The following CDH23 variants were observed in gnomAD, a reference collection of about 807,000 sequenced individuals.
The protein encoded by CDH23 is cadherin-23.
Under a neutral mutation model 317.1 loss-of-function variants are expected in CDH23, and 189 were observed. That is an observed-to-expected ratio of 0.60 (90% confidence interval 0.53 to 0.67). CDH23 has a LOEUF of 0.67. CDH23 is among the 30% of genes least tolerant of loss of function. The pLI, the probability that CDH23 is intolerant of heterozygous loss-of-function variation, is 0.00. For synonymous variants in CDH23, 1,839 were observed against 1,876.8 expected (o/e 0.98, Z 0.52); for missense variants, 4,401 against 4,592.4 (o/e 0.96, Z 1.20).
intron 18 of CDH23, among the ~76,000 whole-genome samples, chr10:71,683,279 C>A (rs76589949): frequency 2.6e-5 from 4 of 152,280 alleles, no homozygotes; most frequent in Non-Finnish European, 5.9e-5. Context: ...ACAGCGAACG[C>A]GTGTTGATCG....
chr10:71,458,634 T>C (rs976498455), intron 3 of CDH23, among the ~76,000 whole-genome samples: 2 of 152,258 alleles, frequency 1.3e-5, no homozygotes, highest in Admixed American at 6.5e-5. Context: ...GTGTGGACTG[T>C]ATCACCAGCT....
intron 28 of CDH23, among the ~76,000 whole-genome samples, chr10:71,721,829 G>A (rs1049215696): frequency 4.6e-5 from 7 of 152,204 alleles, no homozygotes; most frequent in African/African-American, 1.7e-4. Context: ...ACAGCCCTCT[G>A]CTGTCCCTGC....
chr10:71,646,001 A>G (rs1862832417), intron 13 of CDH23, 21 bp downstream of exon 13: 1 of 1,605,672 alleles, frequency 6.2e-7, no homozygotes, highest in Non-Finnish European at 8.5e-7. Flanking sequence ...ACTCACTGGC[A>G]TTTTGGAGTG....
intron 2 of CDH23, 114 bp downstream of exon 2, chr10:71,440,012 G>A: frequency 1.2e-6 from 1 of 811,568 alleles, no homozygotes; most frequent in Non-Finnish European, 2.1e-6. Flanking sequence ...TGGAGACACT[G>A]TCTTACTGTG....
At chr10:71,721,483 C>A (rs1042839641) in intron 28 of CDH23, among the ~76,000 whole-genome samples, 1 of 152,166 alleles carries the variant, frequency 6.6e-6, no homozygotes, top group Admixed American at 6.5e-5. Flanking sequence ...TCATTGTGCC[C>A]AGTCTAGAGA....
At chr10:71,779,867 T>G (rs1385400711) in intron 41 of CDH23, among the ~76,000 whole-genome samples, 1 of 152,226 alleles carries the variant, frequency 6.6e-6, no homozygotes, top group African/African-American at 2.4e-5. Flanking sequence ...TAGTCACCCA[T>G]TCACAGCCCT....
chr10:71,688,181 AG>A (rs1314253962), intron 19 of CDH23, among the ~76,000 whole-genome samples: 1 of 152,208 alleles, frequency 6.6e-6, no homozygotes, highest in East Asian at 1.9e-4. Flanking sequence ...CTCAGGTTGC[AG>A]GGCTCAGTTT....
At chr10:71,743,059 C>T (rs1404732948) in intron 38 of CDH23, among the ~76,000 whole-genome samples, 1 of 152,188 alleles carries the variant, frequency 6.6e-6, no homozygotes, top group East Asian at 1.9e-4. Flanking sequence ...ACAGCAGAGG[C>T]GTGCAAGGCC....
At chr10:71,567,624 C>G (rs1385220664) in intron 7 of CDH23, among the ~76,000 whole-genome samples, 1 of 152,260 alleles carries the variant, frequency 6.6e-6, no homozygotes, top group African/African-American at 2.4e-5. Flanking sequence ...GTGCCCTGAC[C>G]ACCATGCCCC....
At chr10:71,778,933 T>A (rs1404553934) in intron 40 of CDH23, among the ~76,000 whole-genome samples, 2 of 152,150 alleles carry the variant, frequency 1.3e-5, no homozygotes, top group Non-Finnish European at 2.9e-5. Context: ...AATGTATTAC[T>A]CTTTTATTTT....
At chr10:71,784,781 A>G (rs959806522) in intron 42 of CDH23, 110 bp from the exon 43 acceptor site, 16 of 800,822 alleles carry the variant, frequency 2.0e-5, no homozygotes, top group Non-Finnish European at 3.5e-5. Flanking sequence ...TCCATGACCA[A>G]CTGCACCCTC....
In CDH23 at chr10:71,791,180, C is replaced by T. The variant is rs537971045; in HGVS notation, c.6098C>T (p.Ser2033Leu). 27 of 1,612,864 alleles carry T rather than the reference C, an allele frequency of 1.7e-5. No individual in the cohort carries two copies. The highest frequency in any genetic ancestry group is 5.0e-5 in the Admixed American group (3 of 59,874). ...SGVIIDREAF[S>L]PPILELLLLA... ...GTCATCATTGACCGGGAGGCATTCT[C>T]GCCACCCATCCTGGAGCTGCTGCTG... Residue 2033 changes from serine to leucine, a missense_variant, in exon 47 of 70, where the codon TCG becomes TTG. By Grantham distance (145) the Ser-to-Leu change is moderately radical. Coordinates refer to ENST00000224721, the MANE Select transcript of CDH23 (RefSeq NM_022124.6).
intron 60 of CDH23, among the ~76,000 whole-genome samples, chr10:71,808,474 G>T (rs571202829): frequency 6.6e-6 from 1 of 152,060 alleles, no homozygotes; most frequent in Non-Finnish European, 1.5e-5. Context: ...TGCGCACATC[G>T]CCTTCCCCTA....
At chr10:71,447,313 A>T (rs1452705951) in intron 3 of CDH23, among the ~76,000 whole-genome samples, 1 of 152,132 alleles carries the variant, frequency 6.6e-6, no homozygotes, top group Non-Finnish European at 1.5e-5. Context: ...ACACTCTTTC[A>T]TATGAAACCC....
chr10:71,611,133 A>T (rs554077712), intron 9 of CDH23, among the ~76,000 whole-genome samples: 83 of 151,734 alleles, frequency 5.5e-4, no homozygotes, highest in African/African-American at 1.9e-3. Flanking sequence ...ACACGGAGGT[A>T]TCAGTTTCCA....
At chr10:71,745,714 C>G (rs1564771536) in intron 38 of CDH23, among the ~76,000 whole-genome samples, 2 of 152,210 alleles carry the variant, frequency 1.3e-5, no homozygotes, top group Non-Finnish European at 2.9e-5. Flanking sequence ...AGAGCAGAGC[C>G]CTTCTCTGCC....
chr10:71,487,391 G>A lies in CDH23; in HGVS notation c.146-22691G>A, dbSNP rs113233870. Among the ~76,000 whole-genome samples, 976 of 152,194 alleles carry A rather than the reference G, an allele frequency of 6.4e-3. 12 individuals are homozygous for A. Among genetic ancestry groups the A allele is most frequent in the African/African-American group, 0.022 (925 of 41,500 alleles). On this transcript the variant is annotated intron_variant, in intron 3 of 69. Coordinates refer to ENST00000224721, the MANE Select transcript of CDH23 (RefSeq NM_022124.6). ...AACTTAGCCCAAGCCGTTCAGACCC[G>A]TGTTGTTCAAGGGTCAGCTGTACAT...
chr10:71,446,279 G>A, intron 2 of CDH23, 39 bp from the exon 3 acceptor site: 1 of 1,589,454 alleles, frequency 6.3e-7, no homozygotes. Flanking sequence ...AAAGCTGATG[G>A]GGGGTACTTG....
chr10:71,658,516 T>C (rs1053188219), intron 14 of CDH23, among the ~76,000 whole-genome samples: 2 of 152,226 alleles, frequency 1.3e-5, no homozygotes, highest in African/African-American at 4.8e-5. Flanking sequence ...CACCAGCACT[T>C]CCAGAATCTA....
Sources: gnomAD v4.1 joint callset for allele counts (sites outside exome capture counted in the v4.1 genomes callset) on GRCh38, gnomAD v4.1.1 for gene constraint, MANE v1.5 for transcripts, NCBI Gene and HGNC (gene_info 2026-07-23, HGNC 2026-07-21) for gene names.